Variants in GTF2IRD1 observed in about 807,000 individuals in gnomAD.
The protein encoded by GTF2IRD1 is general transcription factor II-I repeat domain-containing protein 1.
In GTF2IRD1, 26 loss-of-function variants were observed where a neutral mutation model predicts 113.2. That is an observed-to-expected ratio of 0.23 (90% CI 0.17 to 0.32). The LOEUF (loss-of-function observed/expected upper bound fraction) is 0.32. Among genes scored for constraint, GTF2IRD1 ranks in the 10% least tolerant of loss-of-function variants. The probability of loss-of-function intolerance (pLI) is 1.00; values close to 1 mark genes in which losing one functional copy is unlikely to be tolerated. For synonymous variants in GTF2IRD1, 484 were observed against 529.1 expected, an observed-to-expected ratio of 0.91 and a Z score of 1.17; for missense variants, 864 against 1,280.8, an observed-to-expected ratio of 0.67 and a Z score of 4.97.
At chr7:74,579,451 C>G (rs1315544506) in intron 22 of GTF2IRD1, among the ~76,000 whole-genome samples, 1 of 152,072 alleles carries the variant, frequency 6.6e-6, no homozygotes, top group Non-Finnish European at 1.5e-5. Context: ...AACCCCGTCT[C>G]TACTAAAAAT....
chr7:74,489,904 C>T (rs1795236883), intron 1 of GTF2IRD1, among the ~76,000 whole-genome samples: 1 of 152,138 alleles, frequency 6.6e-6, no homozygotes, highest in Non-Finnish European at 1.5e-5. Context: ...ATTCTGTTAG[C>T]AGGGAGTGGG....
Position 74,500,601 on chromosome 7 carries a change from G to T in GTF2IRD1, c.-6-7474G>T, listed in dbSNP as rs1795980449. Reference sequence around the variant, plus strand: ...AGGTTGTTCGTGTATGTGTGTGTGTGTGTGTCCCTTTCTTTACTGTCCTCA... The same window carrying T: ...AGGTTGTTCGTGTATGTGTGTGTGTTTGTGTCCCTTTCTTTACTGTCCTCA... On this transcript the variant is annotated intron_variant, in intron 1 of 26. Transcript: ENST00000424337. 5.3e-5 allele frequency among the ~76,000 whole-genome samples: 8 copies of T among 152,110 alleles called. No homozygotes were observed. In the South Asian group the frequency reaches 1.7e-3, roughly 32 times the overall value.
In GTF2IRD1 at chr7:74,519,431, G is replaced by A; in HGVS notation, c.628G>A (p.Asp210Asn). 6.5e-7 allele frequency: 1 copy of A among 1,535,078 alleles called. No individual in the cohort carries two copies. Among genetic ancestry groups the A allele is most frequent in the Non-Finnish European group, 8.8e-7 (1 of 1,141,034 alleles). ...CAGGCCACTTGAGGATGGCGGGCGG[G>A]ACTCGAAGGCCCTGGTGGAGCTGAA... ...LKRPLEDGGR[D>N]SKALVELNGV... is the part of the protein sequence containing the mutation. Residue 210 changes from aspartate (D) to asparagine (N), a missense_variant, in exon 6 of 27, where the codon GAC becomes AAC. Asp to Asn is a conservative substitution (Grantham distance 23). Around this residue, in one of 7 missense-constraint regions of GTF2IRD1, gnomAD observed 195 missense variants for 196.6 expected, o/e 0.99. Transcript: ENST00000424337.
intron 22 of GTF2IRD1, among the ~76,000 whole-genome samples, 172 bp from the exon 23 acceptor site, chr7:74,589,679 C>T (rs1456256651): frequency 1.3e-5 from 2 of 150,780 alleles, no homozygotes; most frequent in African/African-American, 4.9e-5. Context: ...GCCTGGGCAA[C>T]AGAGCGAGAC....
chr7:74,533,568 G>C (rs1249184763), intron 9 of GTF2IRD1, among the ~76,000 whole-genome samples: 2 of 152,188 alleles, frequency 1.3e-5, no homozygotes, highest in African/African-American at 4.8e-5. Flanking sequence ...CCACAGGGTA[G>C]AGGCCAGGTG....
Position 74,549,677 on chromosome 7 carries a change from C to T in GTF2IRD1, c.1916+2391C>T, listed in dbSNP as rs587723829. ...ATTGAGCCAGGCATGGTGGCTCATG[C>T]CTGTAATCCCAGCACTTTGGGAGGC... On this transcript the variant is annotated intron_variant, in intron 17 of 26. Coordinates refer to ENST00000424337, the MANE Select transcript of GTF2IRD1 (RefSeq NM_005685.4). Among the ~76,000 whole-genome samples the T allele has an allele frequency of 5.9e-5, 9 of 151,356 alleles. No homozygotes were observed. In the East Asian group the frequency reaches 1.8e-3, roughly 30 times the overall value.
intron 22 of GTF2IRD1, chr7:74,571,055 C>G: frequency 1.0e-6 from 1 of 975,482 alleles, no homozygotes; most frequent in Non-Finnish European, 1.2e-6. Flanking sequence ...CCTGGGGGTA[C>G]AGCAGTCCCT....
chr7:74,466,971 GAC>G (rs1160562358), intron 1 of GTF2IRD1, among the ~76,000 whole-genome samples: 2 of 148,156 alleles, frequency 1.3e-5, no homozygotes, highest in Non-Finnish European at 3.0e-5. Flanking sequence ...TTTTTTTGGA[GAC>G]AGGGTCTCGC....
chr7:74,480,159 T>TC (rs797025261), intron 1 of GTF2IRD1, among the ~76,000 whole-genome samples: 39 of 152,118 alleles, frequency 2.6e-4, no homozygotes, highest in African/African-American at 8.9e-4. Flanking sequence ...TTTTTTTTTT[T>TC]CCCAGTAGTC....
At position 74,519,435 on chromosome 7, in the gene GTF2IRD1, C is replaced by T. The variant is rs782144391; in HGVS notation, c.632C>T (p.Ser211Leu). The change falls in exon 6 of 27, where the codon TCG (serine) becomes TTG (leucine). Residue 211 changes from serine (S) to leucine (L), a missense_variant. Transcript: ENST00000424337. ...KRPLEDGGRDSKALVELNGVS... is the reference protein window; with the variant it reads ...KRPLEDGGRDLKALVELNGVS... ...CCACTTGAGGATGGCGGGCGGGACT[C>T]GAAGGCCCTGGTGGAGCTGAACGGT... 1.1e-5 allele frequency: 17 copies of T among 1,541,648 alleles called. No homozygotes were observed. Among genetic ancestry groups the T allele is most frequent in the East Asian group, 9.1e-5 (4 of 43,866 alleles).
At chr7:74,478,719 G>C in intron 1 of GTF2IRD1, among the ~76,000 whole-genome samples, 1 of 150,710 alleles carries the variant, frequency 6.6e-6, no homozygotes, top group East Asian at 1.9e-4. Flanking sequence ...GCCTCCCAAA[G>C]TGCTGGGATT....
intron 1 of GTF2IRD1, among the ~76,000 whole-genome samples, chr7:74,459,187 C>T (rs1181790372): frequency 6.6e-6 from 1 of 152,122 alleles, no homozygotes; most frequent in African/African-American, 2.4e-5. Flanking sequence ...TGCGGTGGCT[C>T]ATGCCTGTAA....
intron 2 of GTF2IRD1, among the ~76,000 whole-genome samples, chr7:74,509,011 C>T (rs895325144): frequency 1.3e-4 from 20 of 152,030 alleles, no homozygotes; most frequent in African/African-American, 3.6e-4. Flanking sequence ...CATCATAATA[C>T]CATTTTCCTC....
At position 74,591,012 on chromosome 7, in the gene GTF2IRD1, G is replaced by A. The variant is rs193080099; in HGVS notation, c.2586G>A (p.Gln862=). 25 of 1,607,790 alleles carry A rather than the reference G, an allele frequency of 1.6e-5. No homozygotes were observed. In the Admixed American group the frequency reaches 2.3e-4, roughly 15 times the overall value. The change falls in exon 24 of 27, where the codon CAG becomes CAA. Residue 862 remains glutamine, a synonymous_variant. Coordinates refer to ENST00000424337, the MANE Select transcript of GTF2IRD1 (RefSeq NM_005685.4). The part of the protein sequence containing the change: ...REHVRMVIIN[Q]LQPFAEICND... The stretch of plus-strand genomic sequence containing the variant: ...ATGTCCGCATGGTCATCATTAACCA[G>A]CTCCAGTGAGTGCCCGGCCTCTGGA...
At chr7:74,563,421 TAAA>T (rs782249251) in intron 22 of GTF2IRD1, among the ~76,000 whole-genome samples, 2 of 148,284 alleles carry the variant, frequency 1.3e-5, no homozygotes, top group Non-Finnish European at 3.0e-5. Context: ...CTACTAAAAA[TAAA>T]AAATTAGCTG....
intron 1 of GTF2IRD1, among the ~76,000 whole-genome samples, chr7:74,480,771 C>T (rs1794694909): frequency 6.6e-6 from 1 of 152,184 alleles, no homozygotes; most frequent in Admixed American, 6.5e-5. Context: ...CGTGCCCGCC[C>T]CGGGGGACGG....
intron 17 of GTF2IRD1, among the ~76,000 whole-genome samples, chr7:74,551,854 T>C (rs1799327611): frequency 6.6e-6 from 1 of 152,132 alleles, no homozygotes; most frequent in Non-Finnish European, 1.5e-5. Context: ...GAGAATCACT[T>C]GAACCTGGGA....
At chr7:74,523,988 G>A (rs1209544727) in intron 7 of GTF2IRD1, 83 bp from the exon 8 acceptor site, 2 of 972,754 alleles carry the variant, frequency 2.1e-6, no homozygotes, top group Non-Finnish European at 3.2e-6. Context: ...CTCTGGGGGT[G>A]AAAGCCCGGT....
At chr7:74,523,986 G>T (rs1292951390) in intron 7 of GTF2IRD1, 85 bp from the exon 8 acceptor site, 1 of 939,970 alleles carries the variant, frequency 1.1e-6, no homozygotes, top group Non-Finnish European at 1.7e-6. Context: ...GGCTCTGGGG[G>T]TGAAAGCCCG....
Sources: allele counts gnomAD v4.1 joint callset (sites outside exome capture counted in the v4.1 genomes callset), GRCh38; gene constraint gnomAD v4.1.1; regional missense constraint gnomAD v4.1.1; transcripts MANE v1.5; gene names NCBI Gene and HGNC (gene_info 2026-07-23, HGNC 2026-07-21).